The following GPC5 variants were observed in gnomAD, a reference collection of about 807,000 sequenced individuals.
The protein encoded by GPC5 is glypican 5.
In GPC5, 47 loss-of-function variants were observed where a neutral mutation model predicts 53.9. That is an observed-to-expected ratio of 0.87 (90% CI 0.69 to 1.11). GPC5 has a LOEUF of 1.11. Ranked by LOEUF, GPC5 falls within the 50% of genes most tolerant of loss-of-function variation. The pLI is 0.00. For synonymous variants in GPC5, 286 were observed against 263.3 expected, an observed-to-expected ratio of 1.09 and a Z score of -0.84; for missense variants, 748 against 713.1, an observed-to-expected ratio of 1.05 and a Z score of -0.56.
At chr13:91,779,543 T>C (rs9515972) in intron 5 of GPC5, among the ~76,000 whole-genome samples, 49,809 of 151,922 alleles carry the variant, frequency 0.33, 9,848 homozygotes, top group East Asian at 0.65. Flanking sequence ...GTATTTTTTG[T>C]AGAAGCAGAG....
chr13:92,820,067 G>A (rs960246125), intron 7 of GPC5, among the ~76,000 whole-genome samples: 18 of 151,896 alleles, frequency 1.2e-4, no homozygotes, highest in African/African-American at 3.6e-4. Context: ...GTCTACTAAC[G>A]AATGCTCGAA....
At chr13:91,937,254 A>G (rs1020736653) in intron 6 of GPC5, among the ~76,000 whole-genome samples, 1 of 152,024 alleles carries the variant, frequency 6.6e-6, no homozygotes, top group Non-Finnish European at 1.5e-5. Flanking sequence ...ATTTTCATTC[A>G]AATATCTTAA....
intron 5 of GPC5, among the ~76,000 whole-genome samples, chr13:91,795,328 G>A (rs1052678680): frequency 7.2e-5 from 11 of 151,936 alleles, no homozygotes; most frequent in Non-Finnish European, 1.0e-4. Context: ...AAGTGAAATC[G>A]CATTAAAGGA....
chr13:91,733,002 C>A (rs537526824), intron 4 of GPC5, among the ~76,000 whole-genome samples: 1 of 152,050 alleles, frequency 6.6e-6, no homozygotes, highest in African/African-American at 2.4e-5. Flanking sequence ...CTTGGCTATA[C>A]GGGCTCTTTT....
At chr13:91,411,356 T>C (rs1198202733) in intron 1 of GPC5, among the ~76,000 whole-genome samples, 1 of 152,200 alleles carries the variant, frequency 6.6e-6, no homozygotes, top group Non-Finnish European at 1.5e-5. Flanking sequence ...GTCCCCTATA[T>C]TGGAGATAAG....
chr13:92,466,261 G>A (rs753408520), intron 7 of GPC5, among the ~76,000 whole-genome samples: 5 of 151,920 alleles, frequency 3.3e-5, no homozygotes, highest in African/African-American at 4.8e-5. Flanking sequence ...TGAGCCTTGC[G>A]TATCAGGACA....
rs1347687149 is a variant in GPC5 at position 92,404,976 on chromosome 13, G to A, written c.1561+259987G>A. Among the ~76,000 whole-genome samples the A allele has an allele frequency of 4.7e-5, 7 of 150,274 alleles. No homozygotes were observed. In the South Asian group the frequency reaches 1.5e-3, roughly 32 times the overall value. On this transcript the variant is annotated intron_variant, in intron 7 of 7. Transcript: ENST00000377067. ...AAGCAAAACAATGTATAAGGAAACC[G>A]ATCTTGCCATAGGCAAATTAAATTC...
chr13:92,154,191 C>A (rs1011883088), intron 7 of GPC5, among the ~76,000 whole-genome samples: 2 of 152,078 alleles, frequency 1.3e-5, no homozygotes, highest in African/African-American at 4.8e-5. Flanking sequence ...ATCTCTCATG[C>A]ATTCAGAGCT....
chr13:91,639,261 A>T (rs2034360481), intron 2 of GPC5, among the ~76,000 whole-genome samples: 1 of 152,226 alleles, frequency 6.6e-6, no homozygotes, highest in Non-Finnish European at 1.5e-5. Context: ...CTCAAATGTG[A>T]GAAAAAAATA....
At chr13:91,896,087 G>C (rs1192151623) in intron 5 of GPC5, among the ~76,000 whole-genome samples, 1 of 149,964 alleles carries the variant, frequency 6.7e-6, no homozygotes, top group Non-Finnish European at 1.5e-5. Flanking sequence ...AGATAATCTT[G>C]GATAATCCCC....
chr13:92,421,522 AC>A (rs1214783242), intron 7 of GPC5, among the ~76,000 whole-genome samples: 1 of 151,758 alleles, frequency 6.6e-6, no homozygotes, highest in East Asian at 1.9e-4. Context: ...ACACGGTGAA[AC>A]CCTGTCTCTA....
intron 7 of GPC5, among the ~76,000 whole-genome samples, chr13:92,169,769 T>C (rs1056544893): frequency 1.2e-4 from 18 of 152,096 alleles, no homozygotes; most frequent in African/African-American, 4.1e-4. Flanking sequence ...AAAATTATTT[T>C]ATAATTTGAG....
intron 7 of GPC5, among the ~76,000 whole-genome samples, chr13:92,678,323 T>C (rs1887012094): frequency 6.6e-6 from 1 of 152,182 alleles, no homozygotes; most frequent in Non-Finnish European, 1.5e-5. Flanking sequence ...CCAAAACACT[T>C]ACTGATTTTC....
intron 3 of GPC5, among the ~76,000 whole-genome samples, chr13:91,702,707 G>C (rs528795724): frequency 5.0e-4 from 76 of 152,030 alleles, no homozygotes; most frequent in Non-Finnish European, 8.5e-4. Flanking sequence ...AGATTGCACT[G>C]AATCTATAGA....
chr13:91,453,288 C>T (rs752025390), intron 2 of GPC5, among the ~76,000 whole-genome samples: 55 of 151,898 alleles, frequency 3.6e-4, no homozygotes, highest in African/African-American at 8.7e-4. Context: ...ATATAACTTA[C>T]GGATTTTTAT....
rs2043043824 is a variant in GPC5, at chr13:92,297,315, TC to T, written c.1561+152327del. Among the ~76,000 whole-genome samples, 3 of 150,936 alleles carry T rather than the reference TC, an allele frequency of 2.0e-5. No homozygotes were observed. In the South Asian group the frequency reaches 6.4e-4, roughly 32 times the overall value. ...GGATTGTAAATATACCAATCGGCACTCTGTATCTAGCTCAAGGTTTGTAAAC... is the reference window on the plus strand; with the variant it reads ...GGATTGTAAATATACCAATCGGCACTTGTATCTAGCTCAAGGTTTGTAAAC... On this transcript the variant is annotated intron_variant, in intron 7 of 7. Coordinates refer to ENST00000377067, the MANE Select transcript of GPC5 (RefSeq NM_004466.6).
chr13:92,240,297 T>G (rs1309651049), intron 7 of GPC5: 1 of 152,024 alleles, frequency 6.6e-6, no homozygotes, highest in African/African-American at 2.4e-5. Context: ...TGCTTTTTTT[T>G]TTGTGGAAAA....
intron 7 of GPC5, among the ~76,000 whole-genome samples, chr13:92,495,365 C>T (rs1401854402): frequency 6.6e-6 from 1 of 152,104 alleles, no homozygotes; most frequent in Admixed American, 6.5e-5. Flanking sequence ...GATGTCTTTT[C>T]CTCCCATATT....
At chr13:92,051,411 AG>A (rs1156415449) in intron 6 of GPC5, among the ~76,000 whole-genome samples, 4 of 152,124 alleles carry the variant, frequency 2.6e-5, no homozygotes, top group African/African-American at 9.6e-5. Context: ...CATCTTGGCC[AG>A]GATGGTCTCG....
Sources: gnomAD v4.1 joint callset for allele counts (sites outside exome capture counted in the v4.1 genomes callset) on GRCh38, gnomAD v4.1.1 for gene constraint, MANE v1.5 for transcripts, NCBI Gene and HGNC (gene_info 2026-07-23, HGNC 2026-07-21) for gene names.